The following HIRA variants were observed in gnomAD, a reference collection of about 807,000 sequenced individuals.
HIRA encodes the protein histone cell cycle regulator, also known as protein HIRA.
HIRA carries 13 observed loss-of-function variants against 126.6 expected under a neutral mutation model. The observed-to-expected ratio is 0.10, with a 90% CI of 0.07 to 0.16. The LOEUF (loss-of-function observed/expected upper bound fraction) is 0.16. HIRA is among the 10% of genes least tolerant of loss of function. The pLI, the probability that HIRA is intolerant of heterozygous loss-of-function variation, is 1.00. For missense variants in HIRA, 834 were observed against 1,314.4 expected (o/e 0.63, Z 5.65); for synonymous variants, 511 against 520.0 (o/e 0.98, Z 0.24).
In HIRA at chr22:19,431,485, C is replaced by G; in HGVS notation, c.-9G>C. The stretch of plus-strand genomic sequence containing the variant: ...GGCTTCAGGAGCTTCATTGTTCGGC[C>G]GCCGCCGCCGCCGGGCTGAGGCGAG... On this transcript the variant is annotated 5_prime_UTR_variant, in exon 1 of 25. Coordinates refer to ENST00000263208, the MANE Select transcript of HIRA (RefSeq NM_003325.4). 1 of 1,551,204 alleles carries G rather than the reference C, an allele frequency of 6.4e-7. No homozygotes were observed. The highest frequency in any genetic ancestry group is 8.8e-7 in the Non-Finnish European group (1 of 1,140,670).
chr22:19,385,529 T>A lies in HIRA; in HGVS notation c.1321A>T (p.Ile441Phe). 1 of 1,613,748 alleles carries A rather than the reference T, an allele frequency of 6.2e-7. No individual in the cohort carries two copies. Among genetic ancestry groups the A allele is most frequent in the Non-Finnish European group, 8.5e-7 (1 of 1,179,782 alleles). The change falls in exon 12 of 25, where the codon ATC becomes TTC. Residue 441 changes from isoleucine (I) to phenylalanine (F), a missense_variant. Transcript: ENST00000263208. ...GVVNGESLED[I>F]RKNLLKKQVE... ...CCAGGCAGGGCTCTCACCTTCCTGA[T>A]ATCTTCAAGACTCTCCCCGTTGACA...
chr22:19,410,111 T>C (rs924111668), intron 2 of HIRA, among the ~76,000 whole-genome samples: 3 of 152,232 alleles, frequency 2.0e-5, no homozygotes, highest in Admixed American at 6.5e-5. Context: ...TGTGTCACTA[T>C]ATATACATCT....
At chr22:19,425,302 T>A (rs1415745186) in intron 1 of HIRA, among the ~76,000 whole-genome samples, 1 of 152,200 alleles carries the variant, frequency 6.6e-6, no homozygotes, top group Non-Finnish European at 1.5e-5. Flanking sequence ...GATGATAAAA[T>A]GTGCTTTGCA....
rs373860208 is a variant in HIRA, at chr22:19,408,623, G to A, written c.101-30C>T. 8 of 1,246,924 alleles carry A rather than the reference G, an allele frequency of 6.4e-6. No individual in the cohort carries two copies. The African/African-American group carries it at 1.2e-4, about 18-fold the overall frequency. The allele number at this position is 1,246,924 out of a possible 1,614,324, so 77.2% of individuals were successfully genotyped here. On this transcript the variant is annotated intron_variant, in intron 2 of 24. Coordinates refer to ENST00000263208, the MANE Select transcript of HIRA (RefSeq NM_003325.4). The stretch of plus-strand genomic sequence containing the variant: ...AACAAAGGAGCAGAAATGGCTGAAT[G>A]TGCAAGGAGTAGAAATTTGATATTA...
rs2089334927 is a variant in HIRA at position 19,409,538 on chromosome 22, C to G, written c.101-945G>C. On this transcript the variant is annotated intron_variant, in intron 2 of 24. Coordinates refer to ENST00000263208, the MANE Select transcript of HIRA (RefSeq NM_003325.4). The stretch of plus-strand genomic sequence containing the variant: ...CCTCAGATGATTCGCCTGCCTTGGC[C>G]TCCCAAAGTGCTGAAATCACAGGCG... Among the ~76,000 whole-genome samples the G allele has an allele frequency of 2.0e-5, 3 of 152,286 alleles. No homozygotes were observed. The South Asian group carries it at 6.2e-4, about 32-fold the overall frequency.
Position 19,392,193 on chromosome 22 carries a change from T to G in HIRA, c.844A>C (p.Lys282Gln), listed in dbSNP as rs1400634405. Residue 282 changes from lysine to glutamine, a missense_variant, in exon 9 of 25, where the codon AAA (lysine) becomes CAA (glutamine). Lys to Gln is a moderately conservative substitution (Grantham distance 53, BLOSUM62 1). Around this residue, in one of 5 missense-constraint regions of HIRA, gnomAD observed 153 missense variants for 270.6 expected, o/e 0.57. Coordinates refer to ENST00000263208, the MANE Select transcript of HIRA (RefSeq NM_003325.4). ...GAACTCCCATTCTTCTGCTTCTTTT[T>G]GAAGATTTTTGGGTTGAATTTCTAA... ...TVVKFNPKIF[K>Q]KKQKNGSSAK... 6.2e-7 allele frequency: 1 copy of G among 1,608,064 alleles called. No homozygotes were observed. The highest frequency in any genetic ancestry group is 8.5e-7 in the Non-Finnish European group (1 of 1,174,972).
chr22:19,348,155 G>A (rs1476654539), intron 24 of HIRA, among the ~76,000 whole-genome samples: 2 of 152,208 alleles, frequency 1.3e-5, no homozygotes, highest in African/African-American at 4.8e-5. Context: ...ACGGGATCAT[G>A]GAGTCCCTAC....
Position 19,394,641 on chromosome 22 carries a change from C to T in HIRA, c.655-132G>A, listed in dbSNP as rs1040395403. Reference sequence around the variant, plus strand: ...AGCATGCACCCCAAGCTTCTGGCTACACTGACAGCTTCTGTCTCACCAGAT... The same window carrying T: ...AGCATGCACCCCAAGCTTCTGGCTATACTGACAGCTTCTGTCTCACCAGAT... On this transcript the variant is annotated intron_variant, in intron 7 of 24. Coordinates refer to ENST00000263208, the MANE Select transcript of HIRA (RefSeq NM_003325.4). 6.8e-6 allele frequency: 6 copies of T among 881,240 alleles called. No individual in the cohort carries two copies. In the South Asian group the frequency reaches 1.0e-4, roughly 15 times the overall value. 54.6% of individuals were successfully genotyped at this position (881,240 alleles called of 1,614,324 possible).
intron 12 of HIRA, among the ~76,000 whole-genome samples, chr22:19,384,594 C>CT (rs2089107807): frequency 6.6e-6 from 1 of 151,836 alleles, no homozygotes; most frequent in Non-Finnish European, 1.5e-5. Flanking sequence ...AATGAAAGGG[C>CT]TAAAGGACTG....
intron 1 of HIRA, among the ~76,000 whole-genome samples, chr22:19,416,936 A>C (rs2089403298): frequency 6.6e-6 from 1 of 152,210 alleles, no homozygotes; most frequent in African/African-American, 2.4e-5. Flanking sequence ...GCAATGGCTC[A>C]CATCTGTAAT....
At position 19,353,473 on chromosome 22, in the gene HIRA, GC is replaced by G; in HGVS notation, c.2730del (p.Gln911SerfsTer9). ...AARLFSVPHV[V>X]QQETTLAYLE... ...AGGTAGGCCAGGGTGGTCTCTTGCT[GC>G]ACCACATGAGGCACGGAGAAGAGCC... is the stretch of plus-strand genomic sequence containing the variant. On this transcript the variant is annotated frameshift_variant, in exon 23 of 25. Coordinates refer to ENST00000263208, the MANE Select transcript of HIRA (RefSeq NM_003325.4). LOFTEE classifies it high-confidence loss of function. The G allele has an allele frequency of 6.2e-7, 1 of 1,612,766 alleles. No homozygotes were observed. Among genetic ancestry groups the G allele is most frequent in the Non-Finnish European group, 8.5e-7 (1 of 1,179,846 alleles).
intron 24 of HIRA, among the ~76,000 whole-genome samples, chr22:19,340,166 A>C (rs1173003713): frequency 6.6e-6 from 1 of 152,188 alleles, no homozygotes; most frequent in Admixed American, 6.5e-5. Flanking sequence ...CAAAAAGATA[A>C]TACACCATGA....
chr22:19,364,551 A>G (rs2088894889), intron 15 of HIRA, among the ~76,000 whole-genome samples: 1 of 152,214 alleles, frequency 6.6e-6, no homozygotes, highest in South Asian at 2.1e-4. Flanking sequence ...TTCTTATTGT[A>G]TCTGTTTTGG....
At chr22:19,374,510 T>C (rs2088999194) in intron 15 of HIRA, among the ~76,000 whole-genome samples, 1 of 152,258 alleles carries the variant, frequency 6.6e-6, no homozygotes, top group African/African-American at 2.4e-5. Flanking sequence ...ACTACAAGAT[T>C]CCACACCAAG....
intron 15 of HIRA, among the ~76,000 whole-genome samples, chr22:19,365,591 G>GA (rs1158906587): frequency 6.6e-6 from 1 of 152,060 alleles, no homozygotes; most frequent in Non-Finnish European, 1.5e-5. Context: ...CTACTGCTTG[G>GA]AAAAAAAGAT....
At chr22:19,348,112 G>A (rs1340067784) in intron 24 of HIRA, among the ~76,000 whole-genome samples, 1 of 152,200 alleles carries the variant, frequency 6.6e-6, no homozygotes, top group Non-Finnish European at 1.5e-5. Flanking sequence ...CCAGCTTTGA[G>A]TTCCAGGCAG....
At chr22:19,425,471 C>G (rs1469492774) in intron 1 of HIRA, among the ~76,000 whole-genome samples, 3 of 152,108 alleles carry the variant, frequency 2.0e-5, no homozygotes, top group Non-Finnish European at 4.4e-5. Flanking sequence ...TCCTGGTCAC[C>G]GACAGGACCC....
At chr22:19,387,660 A>G in intron 11 of HIRA, 51 bp downstream of exon 11, 3 of 1,366,382 alleles carry the variant, frequency 2.2e-6, no homozygotes, top group Non-Finnish European at 3.1e-6. Context: ...TCTCAGAGCT[A>G]TTGTGGCAAT....
chr22:19,399,069 C>A (rs1391620245), intron 5 of HIRA: 2 of 942,518 alleles, frequency 2.1e-6, no homozygotes, highest in Non-Finnish European at 1.3e-6. Flanking sequence ...AACACCATGC[C>A]AGGCACACAC....
Sources: gnomAD v4.1 joint callset for allele counts (sites outside exome capture counted in the v4.1 genomes callset) on GRCh38, gnomAD v4.1.1 for gene constraint, gnomAD v4.1.1 regional missense constraint, MANE v1.5 for transcripts, NCBI Gene and HGNC (gene_info 2026-07-23, HGNC 2026-07-21) for gene names.